Variants in WDR70 observed in about 807,000 individuals in gnomAD.
WDR70 encodes WD repeat domain 70, also known as WD repeat-containing protein 70.
Under a neutral mutation model 88.6 loss-of-function variants are expected in WDR70, and 53 were observed. That is an observed-to-expected ratio of 0.60 (90% CI 0.48 to 0.75). WDR70 has a LOEUF of 0.75. Ranked by LOEUF, WDR70 falls within the 30% of genes least tolerant of loss-of-function variation. The pLI is 0.00. For missense variants in WDR70, 610 were observed against 823.2 expected, an observed-to-expected ratio of 0.74 and a Z score of 3.17; for synonymous variants, 280 against 270.0, an observed-to-expected ratio of 1.04 and a Z score of -0.36.
intron 8 of WDR70, among the ~76,000 whole-genome samples, chr5:37,481,637 A>C (rs1239807653): frequency 6.6e-6 from 1 of 152,022 alleles, no homozygotes; most frequent in African/African-American, 2.4e-5. Flanking sequence ...CAGGCCTGTG[A>C]TGGGAGGGTC....
intron 8 of WDR70, among the ~76,000 whole-genome samples, chr5:37,484,663 C>G (rs1257182133): frequency 6.6e-6 from 1 of 152,118 alleles, no homozygotes; most frequent in Non-Finnish European, 1.5e-5. Context: ...TATTATATAT[C>G]AGTTAACTAC....
intron 17 of WDR70, among the ~76,000 whole-genome samples, chr5:37,735,638 T>C (rs1156891726): frequency 2.0e-5 from 3 of 152,170 alleles, no homozygotes; most frequent in Non-Finnish European, 4.4e-5. Context: ...TTAGCTAGGA[T>C]TGCAGTGCTA....
chr5:37,530,904 T>C (rs1056430007), intron 9 of WDR70, among the ~76,000 whole-genome samples: 1 of 152,106 alleles, frequency 6.6e-6, no homozygotes, highest in East Asian at 1.9e-4. Flanking sequence ...CTATTTGTGC[T>C]CTTTCAGACT....
In WDR70 at chr5:37,502,965, A is replaced by G. The variant is rs529970098; in HGVS notation, c.841-13549A>G. ...CCATCAGCACTGAGGATTACAATTC[A>G]ACAGGAGATTTGGCTGGGGACAAAT... is the stretch of plus-strand genomic sequence containing the variant. On this transcript the variant is annotated intron_variant, in intron 8 of 17. Transcript: ENST00000265107. Among the ~76,000 whole-genome samples, 10 of 152,318 alleles carry G rather than the reference A, an allele frequency of 6.6e-5. No individual in the cohort carries two copies. In the South Asian group the frequency reaches 2.1e-3, roughly 32 times the overall value.
chr5:37,648,927 A>G (rs973528392), intron 10 of WDR70, among the ~76,000 whole-genome samples: 6 of 152,208 alleles, frequency 3.9e-5, no homozygotes, highest in Admixed American at 2.6e-4. Context: ...TTTTTCATTA[A>G]TAACATTGTC....
chr5:37,673,583 A>ACCCCCACC (rs1746094773), intron 10 of WDR70, among the ~76,000 whole-genome samples: 1 of 76,228 alleles, frequency 1.3e-5, no homozygotes, highest in African/African-American at 5.4e-5. Flanking sequence ...GACTTTTCTT[A>ACCCCCACC]CCCCCCCCCC....
chr5:37,491,591 A>G (rs573480359), intron 8 of WDR70, among the ~76,000 whole-genome samples: 1 of 152,344 alleles, frequency 6.6e-6, no homozygotes, highest in Admixed American at 6.5e-5. Flanking sequence ...TAGTCATGGA[A>G]GTTAGAAGAG....
At chr5:37,562,445 TC>T (rs1742535942) in intron 9 of WDR70, among the ~76,000 whole-genome samples, 1 of 91,908 alleles carries the variant, frequency 1.1e-5, no homozygotes, top group South Asian at 4.1e-4. Context: ...GGCTTAATTC[TC>T]TTTTTTTTTT....
intron 10 of WDR70, among the ~76,000 whole-genome samples, chr5:37,640,122 A>G (rs1482774992): frequency 6.6e-6 from 1 of 152,162 alleles, no homozygotes; most frequent in Non-Finnish European, 1.5e-5. Flanking sequence ...TTTGCAAGTG[A>G]TTCTTTTATG....
At chr5:37,495,872 C>G (rs1740200463) in intron 8 of WDR70, among the ~76,000 whole-genome samples, 2 of 152,142 alleles carry the variant, frequency 1.3e-5, no homozygotes. Flanking sequence ...CTTAACATTC[C>G]CATTGCCTTT....
intron 9 of WDR70, among the ~76,000 whole-genome samples, chr5:37,599,098 C>T (rs2112464142): frequency 6.6e-6 from 1 of 152,290 alleles, no homozygotes; most frequent in African/African-American, 2.4e-5. Flanking sequence ...ACATAAGCAA[C>T]TTGAGTGATA....
At chr5:37,506,394 C>G in intron 8 of WDR70, 1 of 784,358 alleles carries the variant, frequency 1.3e-6, no homozygotes, top group Non-Finnish European at 2.3e-6. Flanking sequence ...AATGAGCTGT[C>G]CATGACACAA....
chr5:37,662,721 C>T (rs1253515463), intron 10 of WDR70, among the ~76,000 whole-genome samples: 1 of 152,142 alleles, frequency 6.6e-6, no homozygotes, highest in Non-Finnish European at 1.5e-5. Flanking sequence ...CTTCCACCGT[C>T]TCTCTTACTC....
At chr5:37,675,099 AT>A (rs1333927318) in intron 10 of WDR70, among the ~76,000 whole-genome samples, 7 of 151,948 alleles carry the variant, frequency 4.6e-5, no homozygotes, top group African/African-American at 1.2e-4. Flanking sequence ...CTTCTTGTAA[AT>A]TTGTTTGAGT....
intron 9 of WDR70, among the ~76,000 whole-genome samples, chr5:37,555,949 C>T (rs981760512): frequency 1.3e-5 from 2 of 152,212 alleles, no homozygotes; most frequent in Admixed American, 6.5e-5. Flanking sequence ...CAACTCCTGA[C>T]GTCAGGTGAT....
At chr5:37,633,945 T>C (rs1487612993) in intron 10 of WDR70, among the ~76,000 whole-genome samples, 1 of 152,124 alleles carries the variant, frequency 6.6e-6, no homozygotes, top group Non-Finnish European at 1.5e-5. Context: ...TTTATAAAGA[T>C]AGACTTGGAC....
At chr5:37,535,634 G>T (rs1232965967) in intron 9 of WDR70, among the ~76,000 whole-genome samples, 1 of 152,130 alleles carries the variant, frequency 6.6e-6, no homozygotes, top group Non-Finnish European at 1.5e-5. Context: ...TCTCTTCACA[G>T]GTTGTTAACA....
chr5:37,706,293 G>A (rs1039967378), intron 13 of WDR70, among the ~76,000 whole-genome samples: 2 of 152,098 alleles, frequency 1.3e-5, no homozygotes, highest in African/African-American at 4.8e-5. Flanking sequence ...ATGTTTGCAC[G>A]CATTTTACAA....
In WDR70 at chr5:37,443,384, C is replaced by T. The variant is rs1446382172; in HGVS notation, c.686+12C>T. ...CAGCCCTGTGAGTGGTATGTATTCA[C>T]TTACTTAATATCTTCATATTTGACC... On this transcript the variant is annotated intron_variant, in intron 7 of 17. Transcript: ENST00000265107. 2.0e-5 allele frequency: 32 copies of T among 1,613,042 alleles called. No homozygotes were observed. The highest frequency in any genetic ancestry group is 2.4e-5 in the Non-Finnish European group (28 of 1,179,652).
Sources: allele counts gnomAD v4.1 joint callset (sites outside exome capture counted in the v4.1 genomes callset), GRCh38; gene constraint gnomAD v4.1.1; transcripts MANE v1.5; gene names NCBI Gene and HGNC (gene_info 2026-07-23, HGNC 2026-07-21).